The following NFATC2 variants were observed in gnomAD, a reference collection of about 807,000 sequenced individuals.
The protein encoded by NFATC2 is nuclear factor of activated T cells 2.
Under a neutral mutation model 87.3 loss-of-function variants are expected in NFATC2, and 22 were observed. The observed-to-expected ratio is 0.25, with a 90% CI of 0.18 to 0.36. The LOEUF is 0.36. Ranked by LOEUF, NFATC2 falls within the 10% of genes least tolerant of loss-of-function variation. The pLI is 1.00. For missense variants in NFATC2, 1,149 were observed against 1,259.1 expected (o/e 0.91, Z 1.32); for synonymous variants, 565 against 542.2 (o/e 1.04, Z -0.58).
intron 3 of NFATC2, among the ~76,000 whole-genome samples, chr20:51,477,238 C>A (rs908724384): frequency 6.6e-6 from 1 of 151,952 alleles, no homozygotes; most frequent in Admixed American, 6.6e-5. Context: ...ATCTAGGACA[C>A]GCTGTTGAAA....
chr20:51,501,997 G>A (rs1028528279), intron 3 of NFATC2, among the ~76,000 whole-genome samples: 3 of 152,156 alleles, frequency 2.0e-5, no homozygotes, highest in African/African-American at 4.8e-5. Flanking sequence ...CAGGTGATGC[G>A]CCGAATTTGG....
At chr20:51,426,540 A>T (rs975908122) in intron 9 of NFATC2, among the ~76,000 whole-genome samples, 1 of 152,078 alleles carries the variant, frequency 6.6e-6, no homozygotes, top group Non-Finnish European at 1.5e-5. Flanking sequence ...TTTTATTGAC[A>T]TGCACTAACT....
intron 6 of NFATC2, among the ~76,000 whole-genome samples, chr20:51,437,157 C>A (rs1983711166): frequency 2.0e-5 from 3 of 149,360 alleles, no homozygotes; most frequent in Non-Finnish European, 4.4e-5. Context: ...TAATTGATTT[C>A]TCTTGCTGAC....
intron 1 of NFATC2, among the ~76,000 whole-genome samples, chr20:51,532,782 C>A (rs2076656006): frequency 6.6e-6 from 1 of 152,214 alleles, no homozygotes. Context: ...GAAGCAGAAT[C>A]GTATGACCAA....
intron 9 of NFATC2, among the ~76,000 whole-genome samples, chr20:51,421,603 T>C (rs970523415): frequency 6.6e-6 from 1 of 152,166 alleles, no homozygotes; most frequent in Non-Finnish European, 1.5e-5. Flanking sequence ...CTAAAGGAAG[T>C]AGCCTCTGCT....
chr20:51,409,777 C>T (rs907307639), intron 9 of NFATC2, among the ~76,000 whole-genome samples: 2 of 152,174 alleles, frequency 1.3e-5, no homozygotes, highest in South Asian at 2.1e-4. Context: ...TTCTACAGGA[C>T]GAACTGGTTT....
chr20:51,405,676 T>C (rs1039455774), intron 9 of NFATC2, among the ~76,000 whole-genome samples: 92 of 152,060 alleles, frequency 6.1e-4, no homozygotes, highest in African/African-American at 2.1e-3. Context: ...AGACCTCATC[T>C]CTCTCATCTA....
intron 3 of NFATC2, among the ~76,000 whole-genome samples, chr20:51,476,943 A>G (rs772324221): frequency 1.3e-5 from 2 of 152,230 alleles, no homozygotes; most frequent in Non-Finnish European, 2.9e-5. Context: ...AGGTAAGAGC[A>G]ATATAGACTG....
At chr20:51,493,975 T>A (rs973278275) in intron 3 of NFATC2, among the ~76,000 whole-genome samples, 3 of 152,084 alleles carry the variant, frequency 2.0e-5, no homozygotes, top group Non-Finnish European at 4.4e-5. Flanking sequence ...CAGATGCCCA[T>A]CCCATGCCCC....
intron 1 of NFATC2, among the ~76,000 whole-genome samples, chr20:51,540,917 G>A (rs1182447708): frequency 1.3e-5 from 2 of 152,010 alleles, no homozygotes; most frequent in South Asian, 2.1e-4. Context: ...GAAAGACCAC[G>A]GATATTAGTG....
At chr20:51,500,086 C>G (rs2076053582) in intron 3 of NFATC2, among the ~76,000 whole-genome samples, 1 of 152,090 alleles carries the variant, frequency 6.6e-6, no homozygotes, top group Non-Finnish European at 1.5e-5. Context: ...CATGACAGTA[C>G]CTACCCTCAA....
chr20:51,555,350 T>C (rs1267225372), intron 1 of NFATC2, among the ~76,000 whole-genome samples: 1 of 151,996 alleles, frequency 6.6e-6, no homozygotes, highest in East Asian at 1.9e-4. Flanking sequence ...TCCCAGCACT[T>C]TGGGAGGCCG....
At chr20:51,436,957 A>C (rs1983668775) in intron 6 of NFATC2, among the ~76,000 whole-genome samples, 1 of 152,116 alleles carries the variant, frequency 6.6e-6, no homozygotes. Flanking sequence ...AAGTCACTGA[A>C]GAGCAGAAAG....
In NFATC2 at chr20:51,435,669, G is replaced by A. The variant is rs770866848; in HGVS notation, c.1905+37C>T. 3.8e-6 allele frequency: 6 copies of A among 1,594,500 alleles called. No individual in the cohort carries two copies. In the South Asian group the frequency reaches 5.7e-5, roughly 15 times the overall value. ...AGAGCATGAAAGAGGGAAACGTGAG[G>A]GGGATTGAGAGACACTCAGGTGCGT... is the stretch of plus-strand genomic sequence containing the variant. On this transcript the variant is annotated intron_variant, in intron 7 of 10. Coordinates refer to ENST00000371564, the MANE Select transcript of NFATC2 (RefSeq NM_012340.5).
At chr20:51,503,197 A>T (rs1297652205) in intron 3 of NFATC2, among the ~76,000 whole-genome samples, 3 of 152,192 alleles carry the variant, frequency 2.0e-5, no homozygotes, top group Non-Finnish European at 4.4e-5. Context: ...CCCTGTACAC[A>T]GCTTGTATTA....
At chr20:51,562,821 C>A (rs146115421), upstream of NFATC2, 1,870 of 552,478 alleles carry the variant, frequency 3.4e-3, 30 homozygotes, top group African/African-American at 0.033. This position sits in a 1 kb window ranked among gnomAD's most constrained non-coding sequence, Gnocchi z 5.8. Flanking sequence ...CGCGATCCGG[C>A]TTACTCCAGA....
chr20:51,545,034 A>G (rs2076877820), upstream of NFATC2, among the ~76,000 whole-genome samples: 1 of 152,232 alleles, frequency 6.6e-6, no homozygotes, highest in Admixed American at 6.5e-5. Context: ...AGGAAGGAAG[A>G]GTGAAGACCC....
rs771276763 is a variant in NFATC2, at chr20:51,542,397, C to T, written c.103G>A (p.Asp35Asn). 29 of 1,607,056 alleles carry T rather than the reference C, an allele frequency of 1.8e-5. No homozygotes were observed. The highest frequency in any genetic ancestry group is 2.5e-5 in the Non-Finnish European group (29 of 1,176,620). Residue 35 changes from aspartate to asparagine, a missense_variant, in exon 1 of 11, where the codon GAC (aspartate) becomes AAC (asparagine). By Grantham distance (23) the Asp-to-Asn change is conservative. Transcript: ENST00000371564. ...QDELDFSILFDYEYLNPNEEE... is the reference protein window; with the variant it reads ...QDELDFSILFNYEYLNPNEEE... ...TCGTTCGGATTCAAATACTCATAGT[C>T]GAAGAGGATGGAGAAGTCAAGCTCG...
intron 1 of NFATC2, among the ~76,000 whole-genome samples, chr20:51,525,739 C>G (rs2076534429): frequency 6.6e-6 from 1 of 152,122 alleles, no homozygotes; most frequent in African/African-American, 2.4e-5. Flanking sequence ...CCGCCGTCCT[C>G]TCCCATGGGG....
Sources: gnomAD v4.1 joint callset for allele counts (sites outside exome capture counted in the v4.1 genomes callset) on GRCh38, gnomAD v4.1.1 for gene constraint, Gnocchi (gnomAD v3.1) non-coding constraint, MANE v1.5 for transcripts, NCBI Gene and HGNC (gene_info 2026-07-23, HGNC 2026-07-21) for gene names.